IQSEC3: variants seen among roughly 807,000 people sequenced by gnomAD.
The protein encoded by IQSEC3 is IQ motif and Sec7 domain ArfGEF 3, also known as IQ motif and SEC7 domain-containing protein 3.
Under a neutral mutation model 105.4 loss-of-function variants are expected in IQSEC3, and 50 were observed. The ratio of observed to expected loss-of-function variants is 0.47; its 90% CI spans 0.38 to 0.60. IQSEC3 has a LOEUF of 0.60. IQSEC3 is among the 20% of genes least tolerant of loss of function. The pLI, the probability that IQSEC3 is intolerant of heterozygous loss-of-function variation, is 0.00. For missense variants in IQSEC3, 1,415 were observed against 1,630.0 expected (o/e 0.87, Z 2.27); for synonymous variants, 708 against 746.0 (o/e 0.95, Z 0.83).
At chr12:126,995 T>C (rs60425136) in intron 3 of IQSEC3, among the ~76,000 whole-genome samples, 2,733 of 152,272 alleles carry the variant, frequency 0.018, 91 homozygotes, top group African/African-American at 0.062. Context: ...TATGTGCACA[T>C]GCCAGGAATG....
intron 5 of IQSEC3, chr12:142,329 T>C (rs2137008512): frequency 1.3e-5 from 2 of 152,412 alleles, no homozygotes; most frequent in South Asian, 4.1e-4. Flanking sequence ...TGGAGCTGTC[T>C]TGGTGCTGTG....
At chr12:95,597 C>T (rs762092323) in intron 1 of IQSEC3, among the ~76,000 whole-genome samples, 7 of 152,186 alleles carry the variant, frequency 4.6e-5, no homozygotes, top group Non-Finnish European at 8.8e-5. Context: ...TCCCTGCTCT[C>T]ATCTGCTGAG....
rs555307076 is a variant in IQSEC3 at position 69,807 on chromosome 12, T to C, written c.554+2371T>C. On this transcript the variant is annotated intron_variant, in intron 1 of 13. Coordinates refer to ENST00000538872, the MANE Select transcript of IQSEC3 (RefSeq NM_001170738.2). Reference sequence around the variant, plus strand: ...GACGGAATCACCATTGCTAATGACATGTTTCGTCCTACCCTGCTCTCTGCC... The same window carrying C: ...GACGGAATCACCATTGCTAATGACACGTTTCGTCCTACCCTGCTCTCTGCC... Among the ~76,000 whole-genome samples, 706 of 152,230 alleles carry C rather than the reference T, an allele frequency of 4.6e-3. No individual in the cohort carries two copies. The Middle Eastern group carries it at 0.055, about 12-fold the overall frequency.
chr12:121,185 G>A (rs1865207044), intron 2 of IQSEC3, among the ~76,000 whole-genome samples: 1 of 152,216 alleles, frequency 6.6e-6, no homozygotes, highest in Non-Finnish European at 1.5e-5. Flanking sequence ...GGAAGCTGGA[G>A]AGACACAGCC....
chr12:150,170 G>A (rs1460250131), intron 5 of IQSEC3, among the ~76,000 whole-genome samples: 5 of 152,210 alleles, frequency 3.3e-5, no homozygotes, highest in Non-Finnish European at 7.3e-5. Context: ...GCCCACGTGG[G>A]AGGGAGCCAG....
chr12:138,201 C>T lies in IQSEC3; in HGVS notation c.904-66C>T. The T allele has an allele frequency of 2.8e-6, 4 of 1,435,404 alleles. No individual in the cohort carries two copies. The highest frequency in any genetic ancestry group is 2.8e-5 in the African/African-American group (2 of 70,582). 88.9% of individuals were successfully genotyped at this position (1,435,404 alleles called of 1,614,324 possible). On this transcript the variant is annotated intron_variant, in intron 3 of 13. Coordinates refer to ENST00000538872, the MANE Select transcript of IQSEC3 (RefSeq NM_001170738.2). This position sits in a 1 kb window ranked among gnomAD's most constrained non-coding sequence, Gnocchi z 7.1. ...CGAGTGTGGCCGGGTGACTCCACCA[C>T]TCCTCAGAAGGGCTGACCACCCTTC...
chr12:70,392 A>G (rs1365226377), intron 1 of IQSEC3, among the ~76,000 whole-genome samples: 1 of 152,286 alleles, frequency 6.6e-6, no homozygotes, highest in Non-Finnish European at 1.5e-5. Flanking sequence ...TCAGTCCAAG[A>G]AAGCAGCAAT....
intron 1 of IQSEC3, among the ~76,000 whole-genome samples, chr12:91,790 A>T (rs544232866): frequency 6.6e-6 from 1 of 152,048 alleles, no homozygotes; most frequent in African/African-American, 2.4e-5. Flanking sequence ...CAAAAAAAAG[A>T]AAGAAAGAAA....
chr12:108,953 G>A (rs1804675315), intron 2 of IQSEC3, among the ~76,000 whole-genome samples: 1 of 152,268 alleles, frequency 6.6e-6, no homozygotes, highest in Non-Finnish European at 1.5e-5. Context: ...TCCCAGGTTT[G>A]TCCCGCTCTG....
At chr12:154,601 A>G (rs1012690336) in intron 5 of IQSEC3, among the ~76,000 whole-genome samples, 1 of 152,186 alleles carries the variant, frequency 6.6e-6, no homozygotes, top group East Asian at 1.9e-4. Context: ...TCTTGGCCTC[A>G]TAAGAGTCAG....
At chr12:128,137 C>T (rs1171811010) in intron 3 of IQSEC3, among the ~76,000 whole-genome samples, 1 of 152,172 alleles carries the variant, frequency 6.6e-6, no homozygotes, top group African/African-American at 2.4e-5. Context: ...GTACCTCTTC[C>T]TCCTCTCAGG....
At chr12:82,329 AAT>A (rs1167494554) in intron 1 of IQSEC3, among the ~76,000 whole-genome samples, 12 of 152,184 alleles carry the variant, frequency 7.9e-5, no homozygotes, top group African/African-American at 4.8e-5. Flanking sequence ...AGACTGGCAA[AAT>A]ATATGTTTGA....
At chr12:107,705 C>T (rs574042235) in intron 2 of IQSEC3, among the ~76,000 whole-genome samples, 42 of 152,270 alleles carry the variant, frequency 2.8e-4, no homozygotes, top group African/African-American at 9.6e-4. Flanking sequence ...CCACCGCGCC[C>T]GGCCGGTAGT....
chr12:145,134 G>C (rs1866208984), intron 5 of IQSEC3, among the ~76,000 whole-genome samples: 1 of 152,228 alleles, frequency 6.6e-6, no homozygotes, highest in South Asian at 2.1e-4. Flanking sequence ...GGCCCAGCCT[G>C]TTTGTTTTTA....
At position 138,626 on chromosome 12, in the gene IQSEC3, C is replaced by T; in HGVS notation, c.1263C>T (p.Ser421=). Residue 421 remains serine (S), a synonymous_variant, in exon 4 of 14, where the codon AGC becomes AGT. Transcript: ENST00000538872. The surrounding 1 kb of genome is among the most constrained non-coding windows in gnomAD (Gnocchi z 7.1). ...KSIDDALSTW[S]LKTMCSLRES... is the part of the protein sequence containing the mutation. ...TCGACGACGCGCTCAGCACGTGGAGCCTCAAGACCATGTGCTCCCTGCGGG... is the reference window on the plus strand; with the variant it reads ...TCGACGACGCGCTCAGCACGTGGAGTCTCAAGACCATGTGCTCCCTGCGGG... 1 of 1,586,904 alleles carries T rather than the reference C, an allele frequency of 6.3e-7. No homozygotes were observed. The highest frequency in any genetic ancestry group is 8.5e-7 in the Non-Finnish European group (1 of 1,174,298).
rs557746098 is a variant in IQSEC3, at chr12:176,371, C to T, written c.*1338C>T. 6.6e-6 allele frequency: 1 copy of T among 152,534 alleles called. No homozygotes were observed. The highest frequency in any genetic ancestry group is 6.5e-5 in the Admixed American group (1 of 15,312). 9.4% of individuals were successfully genotyped at this position (152,534 alleles called of 1,614,324 possible). ...GTACCATGGCCTGCGCAGTCAGGCCCTATCAGGATGTGTCTGTCCCAAGCC... is the reference window on the plus strand; with the variant it reads ...GTACCATGGCCTGCGCAGTCAGGCCTTATCAGGATGTGTCTGTCCCAAGCC... On this transcript the variant is annotated 3_prime_UTR_variant, in exon 14 of 14. Transcript: ENST00000538872. This position sits in a 1 kb window ranked among gnomAD's most constrained non-coding sequence, Gnocchi z 4.0.
intron 5 of IQSEC3, among the ~76,000 whole-genome samples, chr12:146,408 G>A (rs1021447179): frequency 3.9e-5 from 6 of 152,200 alleles, no homozygotes; most frequent in African/African-American, 1.4e-4. Context: ...TTGAACCTAG[G>A]AGGTTAGGGC....
At chr12:148,383 C>G (rs1265523934) in intron 5 of IQSEC3, 1 of 152,210 alleles carries the variant, frequency 6.6e-6, no homozygotes, top group Non-Finnish European at 1.5e-5. Flanking sequence ...GACCCACCAG[C>G]AAACAGGGAT....
chr12:70,395 G>C (rs1863267424), intron 1 of IQSEC3, among the ~76,000 whole-genome samples: 1 of 152,272 alleles, frequency 6.6e-6, no homozygotes. Flanking sequence ...GTCCAAGAAA[G>C]CAGCAATATG....
Sources: gnomAD v4.1 joint callset for allele counts (sites outside exome capture counted in the v4.1 genomes callset) on GRCh38, gnomAD v4.1.1 for gene constraint, Gnocchi (gnomAD v3.1) non-coding constraint, MANE v1.5 for transcripts, NCBI Gene and HGNC (gene_info 2026-07-23, HGNC 2026-07-21) for gene names.